Variants in GMEB1 observed in about 807,000 individuals in gnomAD.
GMEB1 encodes the protein glucocorticoid modulatory element-binding protein 1.
GMEB1 carries 6 observed loss-of-function variants against 52.4 expected under a neutral mutation model. That is an observed-to-expected ratio of 0.11 (90% CI 0.06 to 0.23). The LOEUF is 0.23. Ranked by LOEUF, GMEB1 falls within the 10% of genes least tolerant of loss-of-function variation. The pLI is 1.00. For missense variants in GMEB1, 486 were observed against 685.6 expected (o/e 0.71, Z 3.25); for synonymous variants, 255 against 244.9 (o/e 1.04, Z -0.38).
chr1:28,684,066 C>T lies in GMEB1; in HGVS notation c.128+326C>T, dbSNP rs576375343. ...TCACCTAGGCTGGAATGCAGTGGTGCGATCATAGCTCACTGCAACCTCGAA... is the reference window on the plus strand; with the variant it reads ...TCACCTAGGCTGGAATGCAGTGGTGTGATCATAGCTCACTGCAACCTCGAA... On this transcript the variant is annotated intron_variant, in intron 2 of 9. Coordinates refer to ENST00000373816, the MANE Select transcript of GMEB1 (RefSeq NM_001319674.2). Among the ~76,000 whole-genome samples the T allele has an allele frequency of 6.6e-5, 10 of 152,104 alleles. No homozygotes were observed. In the East Asian group the frequency reaches 1.2e-3, roughly 18 times the overall value.
chr1:28,677,419 G>C (rs977859855), intron 1 of GMEB1, among the ~76,000 whole-genome samples: 1 of 152,122 alleles, frequency 6.6e-6, no homozygotes, highest in Non-Finnish European at 1.5e-5. Context: ...GGATGGTCTT[G>C]ATCTCCTGAC....
At chr1:28,698,745 A>G (rs1670353411) in intron 6 of GMEB1, among the ~76,000 whole-genome samples, 1 of 151,502 alleles carries the variant, frequency 6.6e-6, no homozygotes, top group African/African-American at 2.4e-5. Context: ...GCACTTTGGG[A>G]GGCTGAGGCG....
chr1:28,673,326 G>A (rs1044252035), intron 1 of GMEB1, among the ~76,000 whole-genome samples: 1 of 151,848 alleles, frequency 6.6e-6, no homozygotes, highest in Non-Finnish European at 1.5e-5. Context: ...GCGCGTTCTT[G>A]TCTCACTGTA....
At position 28,717,599 on chromosome 1, in the gene GMEB1, C is replaced by A. The variant is rs1234503615; in HGVS notation, c.*2826C>A. 1 of 152,206 alleles carries A rather than the reference C, an allele frequency of 6.6e-6. No individual in the cohort carries two copies. The highest frequency in any genetic ancestry group is 1.5e-5 in the Non-Finnish European group (1 of 68,042). 9.4% of individuals were successfully genotyped at this position (152,206 alleles called of 1,614,324 possible). On this transcript the variant is annotated 3_prime_UTR_variant, in exon 10 of 10. Transcript: ENST00000373816. ...TTTTCAAAATATCTAATAGACTTAG[C>A]AATCAATTTAGAACAAATATTTGGC...
At chr1:28,687,960 C>A (rs747382025) in intron 2 of GMEB1, among the ~76,000 whole-genome samples, 1 of 152,026 alleles carries the variant, frequency 6.6e-6, no homozygotes, top group East Asian at 1.9e-4. Context: ...TTAGACATAA[C>A]GAATTCGACA....
intron 2 of GMEB1, among the ~76,000 whole-genome samples, chr1:28,684,224 C>T (rs1215909721): frequency 2.0e-5 from 3 of 151,790 alleles, no homozygotes; most frequent in African/African-American, 4.8e-5. Flanking sequence ...TTTATTTAAC[C>T]CAATATACCC....
chr1:28,669,247 G>A (rs6691249), intron 1 of GMEB1, among the ~76,000 whole-genome samples: 2 of 151,198 alleles, frequency 1.3e-5, no homozygotes, highest in Admixed American at 6.6e-5. Context: ...GACTGAGAGG[G>A]CCAGGCGCCC....
At chr1:28,673,343 G>A (rs896101091) in intron 1 of GMEB1, among the ~76,000 whole-genome samples, 2 of 151,648 alleles carry the variant, frequency 1.3e-5, no homozygotes, top group African/African-American at 4.8e-5. Context: ...TGTAACCTCC[G>A]CCTCCTGGGT....
At chr1:28,710,012 T>G (rs975400071) in intron 8 of GMEB1, among the ~76,000 whole-genome samples, 1 of 151,946 alleles carries the variant, frequency 6.6e-6, no homozygotes, top group African/African-American at 2.4e-5. Flanking sequence ...GCAGGCGTGG[T>G]GGCAGGCACC....
intron 1 of GMEB1, among the ~76,000 whole-genome samples, chr1:28,676,057 A>C (rs1669139272): frequency 6.6e-6 from 1 of 152,212 alleles, no homozygotes; most frequent in African/African-American, 2.4e-5. Flanking sequence ...ATAAACTCTC[A>C]GAAGGCTAGA....
At chr1:28,697,271 T>G (rs992015941) in intron 6 of GMEB1, among the ~76,000 whole-genome samples, 187 bp downstream of exon 6, 2 of 149,788 alleles carry the variant, frequency 1.3e-5, no homozygotes, top group African/African-American at 4.9e-5. Context: ...TGCAGTAGCG[T>G]GATCTCAGCT....
chr1:28,684,939 T>C (rs1482265441), intron 2 of GMEB1, among the ~76,000 whole-genome samples: 2 of 152,220 alleles, frequency 1.3e-5, no homozygotes, highest in Non-Finnish European at 2.9e-5. Context: ...CATGAAGGCA[T>C]GATTTACTTC....
At chr1:28,674,842 C>T (rs1312576541) in intron 1 of GMEB1, among the ~76,000 whole-genome samples, 7 of 143,000 alleles carry the variant, frequency 4.9e-5, no homozygotes, top group Non-Finnish European at 1.5e-5. Flanking sequence ...CCTCAGCCTC[C>T]CAAGTAGCTG....
rs758265100 is a variant in GMEB1, at chr1:28,714,368, G to T, written c.1287G>T (p.Leu429=). ...QGSSPVTVHT[L]PSGPQLFRYA... ...CCAGTCCTGTGACTGTCCACACACT[G>T]CCTTCTGGCCCTCAGCTCTTCCGCT... Residue 429 remains leucine, a synonymous_variant, in exon 10 of 10, where the codon CTG becomes CTT. Coordinates refer to ENST00000373816, the MANE Select transcript of GMEB1 (RefSeq NM_001319674.2). 12 of 1,614,218 alleles carry T rather than the reference G, an allele frequency of 7.4e-6. No individual in the cohort carries two copies. The highest frequency in any genetic ancestry group is 9.3e-6 in the Non-Finnish European group (11 of 1,180,044).
intron 1 of GMEB1, among the ~76,000 whole-genome samples, chr1:28,675,679 CA>C (rs11316891): frequency 0.44 from 44,187 of 99,860 alleles, 6,938 homozygotes; most frequent in East Asian, 0.72. Context: ...GACTCTGTCT[CA>C]AAAAAAAAAA....
chr1:28,695,383 T>C (rs923902689), intron 5 of GMEB1, among the ~76,000 whole-genome samples: 5 of 151,546 alleles, frequency 3.3e-5, no homozygotes, highest in Non-Finnish European at 7.4e-5. Flanking sequence ...TAGGCATGCG[T>C]CACCATGCCT....
At chr1:28,682,128 A>G (rs1054777703) in intron 1 of GMEB1, among the ~76,000 whole-genome samples, 2 of 152,124 alleles carry the variant, frequency 1.3e-5, no homozygotes, top group Admixed American at 6.6e-5. Flanking sequence ...ATACTCTCTT[A>G]AGTGACTCTC....
At chr1:28,678,600 C>A (rs376584447) in intron 1 of GMEB1, among the ~76,000 whole-genome samples, 4 of 151,932 alleles carry the variant, frequency 2.6e-5, no homozygotes, top group African/African-American at 9.7e-5. Flanking sequence ...CGAGCCACCG[C>A]GTCCGTCTCT....
intron 4 of GMEB1, 63 bp downstream of exon 4, chr1:28,691,772 C>G: frequency 1.4e-6 from 1 of 711,392 alleles, no homozygotes; most frequent in Non-Finnish European, 2.1e-6. Flanking sequence ...GGTGTGAGTT[C>G]CATGCATCCT....
Sources: gnomAD v4.1 joint callset for allele counts (sites outside exome capture counted in the v4.1 genomes callset) on GRCh38, gnomAD v4.1.1 for gene constraint, MANE v1.5 for transcripts, NCBI Gene and HGNC (gene_info 2026-07-23, HGNC 2026-07-21) for gene names.